The following TDP1 variants were observed in gnomAD, a reference collection of about 807,000 sequenced individuals.
The protein encoded by TDP1 is tyrosyl-DNA phosphodiesterase 1.
A neutral mutation model predicts 81.5 loss-of-function variants in TDP1; 64 were observed. The ratio of observed to expected loss-of-function variants is 0.79; its 90% confidence interval spans 0.64 to 0.97. The LOEUF (loss-of-function observed/expected upper bound fraction) is 0.97. Ranked by LOEUF, TDP1 falls within the 50% of genes least tolerant of loss-of-function variation. The probability of loss-of-function intolerance (pLI) is 0.00; values close to 1 mark genes in which losing one functional copy is unlikely to be tolerated. For missense variants in TDP1, 723 were observed against 743.8 expected, an observed-to-expected ratio of 0.97 and a Z score of 0.33; for synonymous variants, 256 against 264.3, an observed-to-expected ratio of 0.97 and a Z score of 0.30.
chr14:89,977,425 G>C (rs1041642535), intron 7 of TDP1, among the ~76,000 whole-genome samples: 1 of 152,102 alleles, frequency 6.6e-6, no homozygotes, highest in Non-Finnish European at 1.5e-5. Context: ...AGCCTCCTGA[G>C]TTGCTGGGAC....
chr14:90,008,591 G>T (rs1884329544), intron 14 of TDP1, among the ~76,000 whole-genome samples: 1 of 152,120 alleles, frequency 6.6e-6, no homozygotes, highest in Non-Finnish European at 1.5e-5. Context: ...AAAATAAATA[G>T]AATATATAAA....
At chr14:89,986,260 C>G (rs957693822) in intron 10 of TDP1, among the ~76,000 whole-genome samples, 1 of 152,202 alleles carries the variant, frequency 6.6e-6, no homozygotes, top group African/African-American at 2.4e-5. Context: ...AGGCAGATAT[C>G]CATAGCTGGG....
At chr14:90,002,221 G>C (rs1897247836) in intron 14 of TDP1, among the ~76,000 whole-genome samples, 1 of 151,984 alleles carries the variant, frequency 6.6e-6, no homozygotes, top group East Asian at 1.9e-4. Flanking sequence ...TCAAACCCAG[G>C]GTCCACAGAT....
At chr14:90,014,802 A>G (rs1389480283) in intron 14 of TDP1, among the ~76,000 whole-genome samples, 1 of 152,242 alleles carries the variant, frequency 6.6e-6, no homozygotes, top group African/African-American at 2.4e-5. Flanking sequence ...TTGGTGTTCA[A>G]GCAGGGATTG....
At position 89,980,542 on chromosome 14, in the gene TDP1, A is replaced by G; in HGVS notation, c.794A>G (p.Lys265Arg). Reference sequence around the variant, plus strand: ...TTGATCCTTTGCTGTTTTTAAAGGAAAATGATGCTGCTGCTCTATGAAGAA... The same window carrying G: ...TTGATCCTTTGCTGTTTTTAAAGGAGAATGATGCTGCTGCTCTATGAAGAA... ...LDIAFGTHHT[K>R]MMLLLYEEGL... Residue 265 changes from lysine (K) to arginine (R), a missense_variant and splice_region_variant, in exon 8 of 17, where the codon AAA (lysine) becomes AGA (arginine). Physicochemically the swap from Lys to Arg is conservative, Grantham distance 26 (BLOSUM62 2). Coordinates refer to ENST00000335725, the MANE Select transcript of TDP1 (RefSeq NM_018319.4). 6.2e-7 allele frequency: 1 copy of G among 1,613,942 alleles called. No homozygotes were observed. The highest frequency in any genetic ancestry group is 8.5e-7 in the Non-Finnish European group (1 of 1,179,798).
At position 90,019,310 on chromosome 14, in the gene TDP1, C is replaced by T. The variant is rs1172232727; in HGVS notation, c.1542-6C>T. ...GTCAGCCCTATCTGTGTCCTTGTCT[C>T]TGCAGCGCAAATCTGTCCAAGGCTG... On this transcript the variant is annotated splice_polypyrimidine_tract_variant and splice_region_variant and intron_variant, in intron 14 of 16. Transcript: ENST00000335725. The T allele has an allele frequency of 3.8e-6, 6 of 1,589,318 alleles. No individual in the cohort carries two copies. Among genetic ancestry groups the T allele is most frequent in the Non-Finnish European group, 5.2e-6 (6 of 1,157,972 alleles).
intron 14 of TDP1, among the ~76,000 whole-genome samples, chr14:90,013,942 T>C (rs1885016224): frequency 6.6e-6 from 1 of 152,204 alleles, no homozygotes; most frequent in Admixed American, 6.5e-5. Flanking sequence ...TCCCTAGCCA[T>C]GTGGAACTGT....
chr14:89,967,874 G>A (rs1250689642), intron 5 of TDP1, among the ~76,000 whole-genome samples: 1 of 152,136 alleles, frequency 6.6e-6, no homozygotes, highest in African/African-American at 2.4e-5. Flanking sequence ...TCTAGGCTCT[G>A]GAGGTGATGG....
At position 89,970,842 on chromosome 14, in the gene TDP1, T is replaced by A. The variant is rs531216928; in HGVS notation, c.660-333T>A. On this transcript the variant is annotated intron_variant, in intron 5 of 16. Transcript: ENST00000335725. ...ATGTATTTTAATTAATTTATTTATT[T>A]ATTTATTTATTTTTGAGACAGAGTC... 595 of 759,132 alleles carry A rather than the reference T, an allele frequency of 7.8e-4. 4 individuals carry two copies. The African/African-American group carries it at 9.0e-3, about 11-fold the overall frequency. 47.0% of individuals were successfully genotyped at this position (759,132 alleles called of 1,614,324 possible). A position where few individuals can be genotyped will look rare whatever the true frequency, so the allele number is the denominator to read the frequency against.
intron 15 of TDP1, among the ~76,000 whole-genome samples, chr14:90,023,407 G>T (rs1202363398): frequency 6.6e-6 from 1 of 152,178 alleles, no homozygotes; most frequent in Non-Finnish European, 1.5e-5. Flanking sequence ...AAGGAGACTG[G>T]AGAACAGAAC....
At chr14:89,969,372 A>G (rs1893317873) in intron 5 of TDP1, among the ~76,000 whole-genome samples, 1 of 152,246 alleles carries the variant, frequency 6.6e-6, no homozygotes, top group African/African-American at 2.4e-5. Context: ...AAGTTTAAGT[A>G]ACATCCAGAA....
At chr14:89,979,784 T>G (rs1353871611) in intron 7 of TDP1, among the ~76,000 whole-genome samples, 1 of 152,136 alleles carries the variant, frequency 6.6e-6, no homozygotes, top group Non-Finnish European at 1.5e-5. Flanking sequence ...AGCTTTTATC[T>G]ATATCCTATT....
intron 14 of TDP1, among the ~76,000 whole-genome samples, chr14:90,002,605 C>T (rs1486692183): frequency 1.3e-5 from 2 of 151,590 alleles, no homozygotes; most frequent in Non-Finnish European, 2.9e-5. Flanking sequence ...TGCAGTGGCT[C>T]ACACATGTAA....
At position 90,032,980 on chromosome 14, in the gene TDP1, C is replaced by A. The variant is rs728286; in HGVS notation, c.1645-126C>A. On this transcript the variant is annotated intron_variant, in intron 15 of 16. Coordinates refer to ENST00000335725, the MANE Select transcript of TDP1 (RefSeq NM_018319.4). ...TATTTGCCTATGAACATTGAAAATACCTCCAAAATAATTTGAATTTTATTT... is the reference window on the plus strand; with the variant it reads ...TATTTGCCTATGAACATTGAAAATAACTCCAAAATAATTTGAATTTTATTT... The A allele has an allele frequency of 1.3e-3, 1,460 of 1,148,430 alleles. 10 individuals are homozygous for A. The African/African-American group carries it at 0.021, about 17-fold the overall frequency. 71.1% of individuals were successfully genotyped at this position (1,148,430 alleles called of 1,614,324 possible).
rs1413564728 is a variant in TDP1, at chr14:89,993,774, G to C, written c.1541+291G>C. 2.6e-5 allele frequency among the ~76,000 whole-genome samples: 4 copies of C among 152,038 alleles called. No homozygotes were observed. The East Asian group carries it at 7.7e-4, about 29-fold the overall frequency. Reference sequence around the variant, plus strand: ...TAGGGGTTATGCAAATTGACATTTGGGGTAAGTACAGAAGAATAATGAAAT... The same window carrying C: ...TAGGGGTTATGCAAATTGACATTTGCGGTAAGTACAGAAGAATAATGAAAT... On this transcript the variant is annotated intron_variant, in intron 14 of 16. Coordinates refer to ENST00000335725, the MANE Select transcript of TDP1 (RefSeq NM_018319.4).
At chr14:89,989,601 A>AT in intron 11 of TDP1, 116 bp from the exon 12 acceptor site, 1 of 1,135,594 alleles carries the variant, frequency 8.8e-7, no homozygotes, top group Non-Finnish European at 1.3e-6. Context: ...AATTTAAAGC[A>AT]TATTTTCTAA....
chr14:89,995,302 A>G (rs1322144406), intron 14 of TDP1, among the ~76,000 whole-genome samples: 4 of 152,212 alleles, frequency 2.6e-5, no homozygotes, highest in Non-Finnish European at 4.4e-5. Context: ...GAGGACCAGG[A>G]GGCACAGAGT....
chr14:89,996,700 C>A (rs1310696452), intron 14 of TDP1, among the ~76,000 whole-genome samples: 1 of 152,238 alleles, frequency 6.6e-6, no homozygotes, highest in Non-Finnish European at 1.5e-5. Flanking sequence ...GACTTCTCAA[C>A]TGCACAGCAA....
rs1337432314 is a variant in TDP1, at chr14:90,044,554, A to G, written c.*1411A>G. 2 of 152,214 alleles carry G rather than the reference A, an allele frequency of 1.3e-5. No homozygotes were observed. The highest frequency in any genetic ancestry group is 2.9e-5 in the Non-Finnish European group (2 of 68,046). 9.4% of individuals were successfully genotyped at this position (152,214 alleles called of 1,614,324 possible). On this transcript the variant is annotated 3_prime_UTR_variant, in exon 17 of 17. Transcript: ENST00000335725. Reference sequence around the variant, plus strand: ...TTCCTCAGAGGCCTAGGATTTTCCAAAAGTACCTTAGGAACCTTGTAGGCT... The same window carrying G: ...TTCCTCAGAGGCCTAGGATTTTCCAGAAGTACCTTAGGAACCTTGTAGGCT...
Sources: gnomAD v4.1 joint callset for allele counts (sites outside exome capture counted in the v4.1 genomes callset) on GRCh38, gnomAD v4.1.1 for gene constraint, MANE v1.5 for transcripts, NCBI Gene and HGNC (gene_info 2026-07-23, HGNC 2026-07-21) for gene names.